The following MCTP1 variants were observed in gnomAD, a reference collection of about 807,000 sequenced individuals.
The protein encoded by MCTP1 is multiple C2 and transmembrane domain-containing protein 1.
In MCTP1, 69 loss-of-function variants were observed where a neutral mutation model predicts 120.6. The observed-to-expected ratio is 0.57, with a 90% CI of 0.47 to 0.70. MCTP1 has a LOEUF of 0.70. Among genes scored for constraint, MCTP1 ranks in the 30% least tolerant of loss-of-function variants. The pLI, the probability that MCTP1 is intolerant of heterozygous loss-of-function variation, is 0.00. For synonymous variants in MCTP1, 529 were observed against 493.1 expected (o/e 1.07, Z -0.96); for missense variants, 1,203 against 1,248.8 (o/e 0.96, Z 0.55).
chr5:95,118,700 C>T (rs1329416997), intron 1 of MCTP1, among the ~76,000 whole-genome samples: 1 of 151,936 alleles, frequency 6.6e-6, no homozygotes, highest in African/African-American at 2.4e-5. Context: ...TATTCCATAC[C>T]AATGGAAACA....
At chr5:94,769,516 C>T (rs1773587489) in intron 19 of MCTP1, among the ~76,000 whole-genome samples, 1 of 151,770 alleles carries the variant, frequency 6.6e-6, no homozygotes, top group Admixed American at 6.6e-5. Context: ...AACCAGTAAC[C>T]CCATGAGGTT....
intron 19 of MCTP1, among the ~76,000 whole-genome samples, chr5:94,738,024 G>T (rs565303422): frequency 6.6e-6 from 1 of 152,158 alleles, no homozygotes; most frequent in African/African-American, 2.4e-5. Flanking sequence ...CATCAGAAGC[G>T]AAACAGCTAA....
chr5:94,775,833 G>C (rs1775171294), intron 19 of MCTP1, among the ~76,000 whole-genome samples: 1 of 151,366 alleles, frequency 6.6e-6, no homozygotes, highest in East Asian at 1.9e-4. Context: ...TGTGAACAAT[G>C]GGTTTGAGAA....
In MCTP1 at chr5:94,868,124, G is replaced by A. The variant is rs192266964; in HGVS notation, c.2436+209C>T. ...CATTGGCTGAGATGTCTTGCGTTCC[G>A]GAAATCTGAGGGGGGAAAATGTATT... On this transcript the variant is annotated intron_variant, in intron 17 of 22. Transcript: ENST00000515393. The A allele has an allele frequency of 3.4e-5, 13 of 379,360 alleles. No individual in the cohort carries two copies. The Admixed American group carries it at 4.1e-4, about 12-fold the overall frequency. The allele number at this position is 379,360 out of a possible 1,614,324, so 23.5% of individuals were successfully genotyped here. A position where few individuals can be genotyped will look rare whatever the true frequency, so the allele number is the denominator to read the frequency against.
chr5:95,236,675 C>G (rs1755578139), intron 1 of MCTP1, among the ~76,000 whole-genome samples: 1 of 152,080 alleles, frequency 6.6e-6, no homozygotes, highest in Non-Finnish European at 1.5e-5. Context: ...TGGGAACATC[C>G]CACAAATAGT....
chr5:94,820,890 TTGTGTCCC>T (rs1387449539), intron 17 of MCTP1, among the ~76,000 whole-genome samples: 5 of 152,222 alleles, frequency 3.3e-5, no homozygotes, highest in Admixed American at 6.5e-5. Flanking sequence ...TCAATAGTTA[TTGTGTCCC>T]TGTGCCTAGC....
intron 19 of MCTP1, among the ~76,000 whole-genome samples, chr5:94,761,061 C>T (rs143130334): frequency 1.1e-3 from 168 of 152,250 alleles, no homozygotes; most frequent in African/African-American, 3.8e-3. Context: ...AATAAAATAC[C>T]AAATATGAAC....
At chr5:95,034,598 G>A (rs1203919332) in intron 1 of MCTP1, among the ~76,000 whole-genome samples, 1 of 151,820 alleles carries the variant, frequency 6.6e-6, no homozygotes, top group Non-Finnish European at 1.5e-5. Context: ...GACTTAAATG[G>A]AAAACCTCAA....
At chr5:95,083,702 C>T (rs1010943152) in intron 1 of MCTP1, among the ~76,000 whole-genome samples, 2 of 152,094 alleles carry the variant, frequency 1.3e-5, no homozygotes, top group Non-Finnish European at 2.9e-5. Flanking sequence ...AAGCCAAATA[C>T]GTGAAAGGCA....
At chr5:95,112,036 T>C (rs1227695711) in intron 1 of MCTP1, among the ~76,000 whole-genome samples, 1 of 152,128 alleles carries the variant, frequency 6.6e-6, no homozygotes, top group African/African-American at 2.4e-5. Context: ...ATAGAAAGAA[T>C]ACAACAAATA....
At chr5:95,065,012 T>C (rs1219152367) in intron 1 of MCTP1, among the ~76,000 whole-genome samples, 1 of 152,222 alleles carries the variant, frequency 6.6e-6, no homozygotes, top group Non-Finnish European at 1.5e-5. Context: ...ATTCAATGCT[T>C]CTGCATTTTG....
intron 1 of MCTP1, among the ~76,000 whole-genome samples, chr5:95,259,008 T>C (rs901798727): frequency 3.3e-5 from 5 of 152,190 alleles, no homozygotes; most frequent in Non-Finnish European, 7.3e-5. Flanking sequence ...AACAATATCA[T>C]GTTCTCCTCC....
chr5:94,880,886 T>C (rs560618945), intron 12 of MCTP1, among the ~76,000 whole-genome samples: 1 of 152,228 alleles, frequency 6.6e-6, no homozygotes, highest in African/African-American at 2.4e-5. Flanking sequence ...AATTAGAAAA[T>C]CTTAATGAAA....
At chr5:94,814,088 A>T (rs923493196) in intron 17 of MCTP1, among the ~76,000 whole-genome samples, 12 of 152,206 alleles carry the variant, frequency 7.9e-5, no homozygotes, top group African/African-American at 2.9e-4. Context: ...TGATGGTTGT[A>T]CAACTCTGGA....
intron 1 of MCTP1, among the ~76,000 whole-genome samples, chr5:95,281,514 A>G (rs1040771788): frequency 1.3e-5 from 2 of 152,206 alleles, no homozygotes; most frequent in African/African-American, 4.8e-5. Context: ...ACAAGGCCCC[A>G]TGAGCAGCAG....
chr5:95,012,642 T>C (rs1184215476), intron 2 of MCTP1, among the ~76,000 whole-genome samples: 2 of 152,086 alleles, frequency 1.3e-5, no homozygotes, highest in Non-Finnish European at 2.9e-5. Context: ...TGATCTGTGA[T>C]TAGTGATCTT....
chr5:94,824,297 C>G (rs186061781), intron 17 of MCTP1, among the ~76,000 whole-genome samples: 4 of 152,168 alleles, frequency 2.6e-5, no homozygotes, highest in Non-Finnish European at 2.9e-5. Context: ...ATTTATTGAG[C>G]TAATCATGTG....
chr5:94,826,315 A>T, intron 17 of MCTP1: 1 of 523,670 alleles, frequency 1.9e-6, no homozygotes, highest in Non-Finnish European at 3.5e-6. Context: ...TGTTAACTGA[A>T]GCCTCTTGAG....
intron 17 of MCTP1, chr5:94,826,503 G>GTC (rs2153127744): frequency 1.4e-6 from 1 of 703,160 alleles, no homozygotes; most frequent in East Asian, 2.8e-5. Context: ...TTTCAGTTCT[G>GTC]TACATCTGCC....
Sources: allele counts gnomAD v4.1 joint callset (sites outside exome capture counted in the v4.1 genomes callset), GRCh38; gene constraint gnomAD v4.1.1; transcripts MANE v1.5; gene names NCBI Gene and HGNC (gene_info 2026-07-23, HGNC 2026-07-21).